NRG1: variants seen among roughly 807,000 people sequenced by gnomAD.
The protein encoded by NRG1 is neuregulin 1.
A neutral mutation model predicts 63.8 loss-of-function variants in NRG1; 18 were observed. The ratio of observed to expected loss-of-function variants is 0.28; its 90% CI spans 0.19 to 0.42. The LOEUF (loss-of-function observed/expected upper bound fraction) is 0.42, where lower values mean the gene tolerates loss of function less well. Ranked by LOEUF, NRG1 falls within the 10% of genes least tolerant of loss-of-function variation. NRG1 has a pLI of 1.00. For missense variants in NRG1, 762 were observed against 814.7 expected (o/e 0.94, Z 0.79); for synonymous variants, 302 against 301.3 (o/e 1.00, Z -0.02).
chr8:32,660,349 G>A (rs948264175), intron 5 of NRG1, among the ~76,000 whole-genome samples: 13 of 152,122 alleles, frequency 8.5e-5, no homozygotes, highest in Non-Finnish European at 1.3e-4. Context: ...TATATTTATG[G>A]AATAAAAGTT....
chr8:31,814,161 C>G (rs947091128), intron 1 of NRG1, among the ~76,000 whole-genome samples: 3 of 152,130 alleles, frequency 2.0e-5, no homozygotes, highest in Non-Finnish European at 2.9e-5. Flanking sequence ...TTGTCTTTTC[C>G]TACATCTGTG....
At chr8:32,139,783 T>A (rs897310351) in intron 1 of NRG1, among the ~76,000 whole-genome samples, 1 of 152,132 alleles carries the variant, frequency 6.6e-6, no homozygotes, top group Non-Finnish European at 1.5e-5. Flanking sequence ...GTAAGATTCA[T>A]AAATAGCAAG....
chr8:31,824,938 C>T (rs6986657), intron 1 of NRG1, among the ~76,000 whole-genome samples: 30,819 of 151,992 alleles, frequency 0.2, 3,574 homozygotes, highest in Non-Finnish European at 0.25. Flanking sequence ...AACCACATAA[C>T]GGGAAAAGAA....
In NRG1 at chr8:32,630,562, C is replaced by T. The variant is rs73590618; in HGVS notation, c.502+13677C>T. 2.6e-5 allele frequency among the ~76,000 whole-genome samples: 4 copies of T among 152,106 alleles called. No individual in the cohort carries two copies. The South Asian group carries it at 8.3e-4, about 32-fold the overall frequency. ...ATGTGATATGTAGCCTCAGCTACTT[C>T]ATGTTTGAAGTTGATGGTAACATTC... On this transcript the variant is annotated intron_variant, in intron 5 of 11. Transcript: ENST00000356819.
intron 1 of NRG1, among the ~76,000 whole-genome samples, chr8:32,458,663 C>T (rs1821921658): frequency 6.6e-6 from 1 of 152,082 alleles, no homozygotes; most frequent in Non-Finnish European, 1.5e-5. Flanking sequence ...AAGTCATTTC[C>T]TAACATCACT....
chr8:32,227,131 A>G (rs1437419320), intron 1 of NRG1, among the ~76,000 whole-genome samples: 1 of 152,172 alleles, frequency 6.6e-6, no homozygotes, highest in African/African-American at 2.4e-5. Flanking sequence ...CAAATGACAC[A>G]TATTTCAAGA....
At chr8:32,470,954 T>C (rs761948265) in intron 1 of NRG1, among the ~76,000 whole-genome samples, 16 of 152,194 alleles carry the variant, frequency 1.1e-4, no homozygotes, top group Non-Finnish European at 2.1e-4. Context: ...CATGCCATCA[T>C]GCGTGGCTAA....
At chr8:31,798,541 A>T (rs1391981611) in intron 1 of NRG1, among the ~76,000 whole-genome samples, 1 of 152,324 alleles carries the variant, frequency 6.6e-6, no homozygotes, top group East Asian at 1.9e-4. Context: ...CTCCTTTCAG[A>T]GGCTGAAGGA....
intron 1 of NRG1, among the ~76,000 whole-genome samples, chr8:31,822,468 A>G (rs1824098450): frequency 6.6e-6 from 1 of 152,156 alleles, no homozygotes; most frequent in South Asian, 2.1e-4. Flanking sequence ...GTTGATCAAA[A>G]TGAGGCAAAC....
chr8:32,139,248 A>C (rs1292823177), intron 1 of NRG1: 2 of 152,184 alleles, frequency 1.3e-5, no homozygotes, highest in African/African-American at 4.8e-5. Context: ...GATCAAGTGC[A>C]ACTGTCTCTT....
At chr8:31,716,982 A>G (rs917540806) in intron 1 of NRG1, among the ~76,000 whole-genome samples, 3 of 152,266 alleles carry the variant, frequency 2.0e-5, no homozygotes, top group Non-Finnish European at 4.4e-5. Context: ...TAATACTTAC[A>G]GTTCATGGCT....
intron 1 of NRG1, among the ~76,000 whole-genome samples, chr8:32,315,610 A>G (rs919711550): frequency 6.6e-6 from 1 of 152,210 alleles, no homozygotes; most frequent in African/African-American, 2.4e-5. Flanking sequence ...TTTATCTCCT[A>G]GAATATAAAG....
At chr8:32,379,042 C>T (rs7012255) in intron 1 of NRG1, among the ~76,000 whole-genome samples, 22,983 of 151,688 alleles carry the variant, frequency 0.15, 1,784 homozygotes, top group African/African-American at 0.19. Flanking sequence ...GGGTTGGTTC[C>T]AAGTCTTTGC....
At chr8:32,340,036 G>T (rs1803857918) in intron 1 of NRG1, among the ~76,000 whole-genome samples, 1 of 152,072 alleles carries the variant, frequency 6.6e-6, no homozygotes, top group Admixed American at 6.6e-5. Flanking sequence ...GCTGCTAAGG[G>T]GTAAGGTGGG....
intron 1 of NRG1, among the ~76,000 whole-genome samples, chr8:31,987,918 A>G (rs1295663012): frequency 6.6e-6 from 1 of 152,116 alleles, no homozygotes; most frequent in Non-Finnish European, 1.5e-5. Context: ...ATCAAGAGAT[A>G]AAGTAATTAA....
chr8:32,331,682 CCAAA>C (rs1283365676), intron 1 of NRG1, among the ~76,000 whole-genome samples: 2 of 152,054 alleles, frequency 1.3e-5, no homozygotes, highest in Non-Finnish European at 2.9e-5. Flanking sequence ...GTTGAGTTAA[CCAAA>C]GGAAGTGTGA....
intron 1 of NRG1, among the ~76,000 whole-genome samples, chr8:32,401,348 A>G (rs1008697756): frequency 1.3e-5 from 2 of 152,236 alleles, no homozygotes; most frequent in South Asian, 4.2e-4. Context: ...TAAAACTGCA[A>G]ACGTGCCCTG....
At chr8:32,469,370 G>A (rs1303380786) in intron 1 of NRG1, among the ~76,000 whole-genome samples, 2 of 152,180 alleles carry the variant, frequency 1.3e-5, no homozygotes, top group East Asian at 1.9e-4. Flanking sequence ...TGGGACTGTC[G>A]GACCTCAGGG....
rs957038957 is a variant in NRG1, at chr8:32,150,649, A to G, written c.38-445179A>G. Among the ~76,000 whole-genome samples the G allele has an allele frequency of 2.0e-5, 3 of 152,148 alleles. No individual in the cohort carries two copies. The East Asian group carries it at 5.8e-4, about 29-fold the overall frequency. The stretch of plus-strand genomic sequence containing the variant: ...ATAATTAAATTTATTTTATTTCTAA[A>G]TGACTCAGTCTAAGAAGTTTTGTTA... On this transcript the variant is annotated intron_variant, in intron 1 of 10. Coordinates refer to the NRG1 transcript ENST00000519301.
Sources: allele counts gnomAD v4.1 joint callset (sites outside exome capture counted in the v4.1 genomes callset), GRCh38; gene constraint gnomAD v4.1.1; transcripts MANE v1.5; gene names NCBI Gene and HGNC (gene_info 2026-07-23, HGNC 2026-07-21).